AFG2B: variants seen among roughly 807,000 people sequenced by gnomAD.
The protein encoded by AFG2B is ATPase family gene 2 protein homolog B.
At chr15:45,405,494 C>T in the AFG2B span, 1 of 1,613,148 alleles carries the variant, frequency 6.2e-7, no homozygotes, top group South Asian at 1.1e-5. Flanking sequence ...TGCCCTCCTT[C>T]ATAGTGAGAA....
chr15:45,415,773 C>A, the AFG2B span: 1 of 1,613,264 alleles, frequency 6.2e-7, no homozygotes, highest in South Asian at 1.1e-5. Flanking sequence ...TAAATCAAGT[C>A]AACAGGGTAA....
the AFG2B span, chr15:45,414,555 T>C: frequency 1.9e-6 from 3 of 1,610,704 alleles, no homozygotes; most frequent in Non-Finnish European, 2.5e-6. Context: ...ACTCTTCTCT[T>C]TTTGTGTACT....
the AFG2B span, among the ~76,000 whole-genome samples, chr15:45,411,175 C>G: frequency 6.6e-6 from 1 of 152,098 alleles, no homozygotes; most frequent in Admixed American, 6.5e-5. Flanking sequence ...GCACGACAGC[C>G]TGGGCAACAG....
chr15:45,421,256 AC>A, the AFG2B span: 2 of 1,387,016 alleles, frequency 1.4e-6, no homozygotes, highest in South Asian at 2.8e-5. Flanking sequence ...TGAAATGTGA[AC>A]TTGCCTGTCG....
the AFG2B span, among the ~76,000 whole-genome samples, chr15:45,416,503 T>C: frequency 6.6e-6 from 1 of 152,212 alleles, no homozygotes; most frequent in East Asian, 1.9e-4. Flanking sequence ...TTTTAAAAAT[T>C]GTCATATGGA....
chr15:45,402,803 C>T, the AFG2B span: 2 of 1,594,572 alleles, frequency 1.3e-6, no homozygotes, highest in Non-Finnish European at 1.7e-6. Context: ...GCGCCCGGTG[C>T]CCGGAATACA....
At chr15:45,418,775 T>TGGTA in the AFG2B span, 1 of 1,482,598 alleles carries the variant, frequency 6.7e-7, no homozygotes, top group Non-Finnish European at 9.1e-7. Context: ...AAAGCCTGTG[T>TGGTA]GGTACCATGT....
chr15:45,410,366 C>A, the AFG2B span: 1 of 1,608,912 alleles, frequency 6.2e-7, no homozygotes, highest in Non-Finnish European at 8.5e-7. Flanking sequence ...GGGTGTATTT[C>A]TTCAGAACCA....
At chr15:45,402,585 C>T in the AFG2B span, 5 of 1,571,348 alleles carry the variant, frequency 3.2e-6, no homozygotes, top group Non-Finnish European at 4.3e-6. Flanking sequence ...TCTCGCTACC[C>T]GACGGCGGCT....
At chr15:45,419,993 C>G in the AFG2B span, among the ~76,000 whole-genome samples, 1 of 96,604 alleles carries the variant, frequency 1.0e-5, no homozygotes, top group Non-Finnish European at 1.9e-5. Flanking sequence ...CTGTCCCCCC[C>G]CCCCAAAAAA....
At chr15:45,414,438 C>A in the AFG2B span, 3 of 736,210 alleles carry the variant, frequency 4.1e-6, no homozygotes, top group Non-Finnish European at 6.8e-6. Context: ...AAGATCTCTG[C>A]AGTGTGGAGA....
chr15:45,418,429 C>A, the AFG2B span: 1 of 747,918 alleles, frequency 1.3e-6, no homozygotes, highest in Non-Finnish European at 1.9e-6. Flanking sequence ...ATGACTTAGT[C>A]TTTCTAACCC....
the AFG2B span, chr15:45,405,246 G>T: frequency 7.2e-7 from 1 of 1,395,102 alleles, no homozygotes; most frequent in Non-Finnish European, 9.6e-7. Flanking sequence ...CTCCATCCAT[G>T]AGATCAACTT....
At chr15:45,415,224 T>G in the AFG2B span, among the ~76,000 whole-genome samples, 4 of 152,148 alleles carry the variant, frequency 2.6e-5, no homozygotes, top group African/African-American at 9.7e-5. Flanking sequence ...TGGCCAGGCA[T>G]GGTGGCTTAT....
At chr15:45,403,408 A>G in the AFG2B span, 1 of 1,609,838 alleles carries the variant, frequency 6.2e-7, no homozygotes, top group Admixed American at 1.7e-5. Context: ...CCAGGTGTTG[A>G]CGCTGCTGGA....
At chr15:45,409,247 A>G in the AFG2B span, among the ~76,000 whole-genome samples, 2 of 151,986 alleles carry the variant, frequency 1.3e-5, no homozygotes, top group East Asian at 3.9e-4. Context: ...GTGGTGGCTC[A>G]TGCCTATAAA....
At chr15:45,417,195 CT>C in the AFG2B span, 1 of 1,545,020 alleles carries the variant, frequency 6.5e-7, no homozygotes, top group East Asian at 2.3e-5. Flanking sequence ...TTAAATAGAC[CT>C]TCTGATTTAT....
the AFG2B span, chr15:45,414,595 C>T: frequency 6.2e-7 from 1 of 1,614,008 alleles, no homozygotes; most frequent in East Asian, 2.2e-5. Flanking sequence ...TCTGAAATTC[C>T]CTTGGGAATT....
the AFG2B span, chr15:45,418,580 C>G: frequency 6.2e-7 from 1 of 1,605,760 alleles, no homozygotes; most frequent in Non-Finnish European, 8.5e-7. Flanking sequence ...TTTTAAAAGT[C>G]TGTACAAAAA....
Sources: allele counts gnomAD v4.1 joint callset (sites outside exome capture counted in the v4.1 genomes callset), GRCh38; gene constraint gnomAD v4.1.1; transcripts MANE v1.5; gene names NCBI Gene and HGNC (gene_info 2026-07-23, HGNC 2026-07-21).